Variants in C14orf39 observed in about 807,000 individuals in gnomAD.
C14orf39 encodes chromosome 14 open reading frame 39, also known as protein SIX6OS1.
A neutral mutation model predicts 85.6 loss-of-function variants in C14orf39; 66 were observed. That is an observed-to-expected ratio of 0.77 (90% CI 0.63 to 0.95). C14orf39 has a LOEUF of 0.95. Ranked by LOEUF, C14orf39 falls within the 40% of genes least tolerant of loss-of-function variation. The probability of loss-of-function intolerance (pLI) is 0.00; values close to 1 mark genes in which losing one functional copy is unlikely to be tolerated. For synonymous variants in C14orf39, 242 were observed against 214.0 expected, an observed-to-expected ratio of 1.13 and a Z score of -1.14; for missense variants, 735 against 663.9, an observed-to-expected ratio of 1.11 and a Z score of -1.18.
At chr14:60,492,862 C>T (rs1327680651) in intron 2 of C14orf39, among the ~76,000 whole-genome samples, 4 of 152,082 alleles carry the variant, frequency 2.6e-5, no homozygotes, top group African/African-American at 9.7e-5. Flanking sequence ...ACTTTGCAGC[C>T]TCCAAGAAAT....
chr14:60,493,596 A>C (rs965455), intron 2 of C14orf39, among the ~76,000 whole-genome samples: 125,933 of 152,164 alleles, frequency 0.83, 53,591 homozygotes, highest in Non-Finnish European at 0.92. Flanking sequence ...ATTTAAAAAA[A>C]AAATCTAGTC....
chr14:60,455,703 A>T (rs1891242881), intron 15 of C14orf39, among the ~76,000 whole-genome samples: 1 of 152,134 alleles, frequency 6.6e-6, no homozygotes, highest in Non-Finnish European at 1.5e-5. Context: ...GCCTGGGCTT[A>T]AATTTCTATT....
chr14:60,481,668 G>A (rs970591573), intron 4 of C14orf39, among the ~76,000 whole-genome samples: 2 of 152,036 alleles, frequency 1.3e-5, no homozygotes, highest in African/African-American at 2.4e-5. Context: ...AAAAATAATA[G>A]CATTTAATTA....
In C14orf39 at chr14:60,509,520, C is replaced by G. The variant is rs751963683; in HGVS notation, c.-144+5875G>C. 3 of 1,607,032 alleles carry G rather than the reference C, an allele frequency of 1.9e-6. No homozygotes were observed. The Admixed American group carries it at 5.0e-5, about 27-fold the overall frequency. ...TTCCTCTGGTCGCTGCCCGTGGCCC[C>G]TGCGGCCTGCGAGGCCCTCAACAAG... is the stretch of plus-strand genomic sequence containing the variant. On this transcript the variant is annotated intron_variant, in intron 1 of 5. Coordinates refer to the C14orf39 transcript ENST00000556799.
At chr14:60,496,288 T>A in intron 2 of C14orf39, 1 of 370,944 alleles carries the variant, frequency 2.7e-6, no homozygotes, top group African/African-American at 2.1e-5. Context: ...CTGGATACTG[T>A]TGGTGCCAGC....
At chr14:60,490,438 TATAAATAAATAAATGAATAA>T (rs200528148), upstream of C14orf39, among the ~76,000 whole-genome samples, 26,829 of 105,018 alleles carry the variant, frequency 0.26, 3,202 homozygotes, top group East Asian at 0.55. Flanking sequence ...AACCCATCTC[TATAAATAAATAAATGAATAA>T]ATAAATAAAT....
Position 60,484,615 on chromosome 14 carries a change from C to A in C14orf39, c.106+266G>T. ...ACTTGTTATTAGAGAAAAATAACAT[C>A]TTTTCCACTGCACCTAAGGGGTCAT... On this transcript the variant is annotated intron_variant, in intron 3 of 17. Coordinates refer to ENST00000321731, the MANE Select transcript of C14orf39 (RefSeq NM_174978.3). The surrounding 1 kb of genome is among the most constrained non-coding windows in gnomAD (Gnocchi z 4.2). Among the ~76,000 whole-genome samples the A allele has an allele frequency of 6.6e-6, 1 of 152,114 alleles. No homozygotes were observed. Among genetic ancestry groups the A allele is most frequent in the East Asian group, 1.9e-4 (1 of 5,200 alleles).
At chr14:60,483,889 A>C in intron 3 of C14orf39, 72 bp from the exon 4 acceptor site, 1 of 1,078,474 alleles carries the variant, frequency 9.3e-7, no homozygotes, top group Non-Finnish European at 1.3e-6. Flanking sequence ...GAGAAAAAAA[A>C]TGGGTATGGC....
intron 10 of C14orf39, 97 bp from the exon 11 acceptor site, chr14:60,466,152 G>C (rs978004618): frequency 1.4e-5 from 7 of 485,858 alleles, no homozygotes; most frequent in African/African-American, 1.2e-4. Context: ...AGAAAATCAA[G>C]TCTACATGAA....
At chr14:60,514,424 T>C (rs1893333503) in intron 1 of C14orf39, among the ~76,000 whole-genome samples, 1 of 152,130 alleles carries the variant, frequency 6.6e-6, no homozygotes, top group South Asian at 2.1e-4. Context: ...ATGTGAAGAT[T>C]TTACCCCAAG....
chr14:60,455,267 T>C (rs1891218150), intron 15 of C14orf39, 122 bp from the exon 16 acceptor site: 1 of 629,424 alleles, frequency 1.6e-6, no homozygotes, highest in Non-Finnish European at 2.6e-6. Flanking sequence ...AGGAAGTAGT[T>C]ATTGAAGTGA....
chr14:60,447,593 AAT>A (rs1050724959), intron 16 of C14orf39, among the ~76,000 whole-genome samples: 1 of 152,236 alleles, frequency 6.6e-6, no homozygotes, highest in Non-Finnish European at 1.5e-5. Flanking sequence ...AGAAAGACTC[AAT>A]ATCGTGAAAA....
At chr14:60,448,257 A>G (rs955897345) in intron 16 of C14orf39, among the ~76,000 whole-genome samples, 4 of 152,238 alleles carry the variant, frequency 2.6e-5, no homozygotes, top group Admixed American at 2.6e-4. Context: ...TGAACAGGCA[A>G]CCTACAGAAT....
At chr14:60,508,510 T>C (rs1893238632) in intron 1 of C14orf39, among the ~76,000 whole-genome samples, 5 of 152,160 alleles carry the variant, frequency 3.3e-5, no homozygotes, top group Admixed American at 3.3e-4. Flanking sequence ...GCATTTAAAA[T>C]TATTTTAGTG....
intron 17 of C14orf39, among the ~76,000 whole-genome samples, chr14:60,439,933 G>C (rs1890429230): frequency 6.6e-6 from 1 of 152,030 alleles, no homozygotes; most frequent in African/African-American, 2.4e-5. Flanking sequence ...AAATTAGCTG[G>C]GCATGGTGCT....
upstream of C14orf39, among the ~76,000 whole-genome samples, chr14:60,490,010 T>C (rs980286076): frequency 5.9e-5 from 9 of 152,226 alleles, no homozygotes; most frequent in African/African-American, 2.2e-4. Flanking sequence ...CTCTGCATTA[T>C]CACTTTTCCT....
At chr14:60,469,189 T>C (rs1221997533) in intron 8 of C14orf39, among the ~76,000 whole-genome samples, 1 of 150,902 alleles carries the variant, frequency 6.6e-6, no homozygotes, top group African/African-American at 2.4e-5. Flanking sequence ...GATCTTTTAA[T>C]GCCTTTAAAA....
chr14:60,511,114 C>G, intron 1 of C14orf39: 3 of 1,612,838 alleles, frequency 1.9e-6, no homozygotes, highest in Non-Finnish European at 2.5e-6. Context: ...CACAGGGTTC[C>G]GGGCGGGCAC....
At chr14:60,451,712 A>G (rs1442607543) in intron 16 of C14orf39, among the ~76,000 whole-genome samples, 1 of 151,046 alleles carries the variant, frequency 6.6e-6, no homozygotes, top group Non-Finnish European at 1.5e-5. Flanking sequence ...GGGGAGGGAT[A>G]GCATTAGGAG....
Sources: gnomAD v4.1 joint callset for allele counts (sites outside exome capture counted in the v4.1 genomes callset) on GRCh38, gnomAD v4.1.1 for gene constraint, Gnocchi (gnomAD v3.1) non-coding constraint, MANE v1.5 for transcripts, NCBI Gene and HGNC (gene_info 2026-07-23, HGNC 2026-07-21) for gene names.